The following ADCY7 variants were observed in gnomAD, a reference collection of about 807,000 sequenced individuals.
The protein encoded by ADCY7 is adenylate cyclase type 7.
In ADCY7, 72 loss-of-function variants were observed where a neutral mutation model predicts 120.6. The observed-to-expected ratio is 0.60, with a 90% CI of 0.49 to 0.73. ADCY7 has a LOEUF of 0.73. Among genes scored for constraint, ADCY7 ranks in the 30% least tolerant of loss-of-function variants. The probability of loss-of-function intolerance (pLI) is 0.00; values close to 1 mark genes in which losing one functional copy is unlikely to be tolerated. For synonymous variants in ADCY7, 661 were observed against 628.0 expected (o/e 1.05, Z -0.78); for missense variants, 1,227 against 1,486.0 (o/e 0.83, Z 2.87).
chr16:50,265,588 C>T (rs1346433291), upstream of ADCY7, among the ~76,000 whole-genome samples: 4 of 152,200 alleles, frequency 2.6e-5, no homozygotes, highest in African/African-American at 9.7e-5. Flanking sequence ...AAGGATATAA[C>T]CTAGGAAAGA....
intron 2 of ADCY7, among the ~76,000 whole-genome samples, chr16:50,290,126 C>T (rs1218737053): frequency 1.3e-5 from 2 of 152,252 alleles, no homozygotes; most frequent in African/African-American, 4.8e-5. Flanking sequence ...TGAATGAGTC[C>T]TGCCCTGTGC....
intron 18 of ADCY7, 80 bp from the exon 19 acceptor site, chr16:50,310,607 G>C: frequency 6.2e-7 from 1 of 1,602,042 alleles, no homozygotes; most frequent in Non-Finnish European, 8.5e-7. Context: ...CAGGGAGTGG[G>C]GCTCTGTGGT....
intron 18 of ADCY7, 76 bp downstream of exon 18, chr16:50,309,722 C>G: frequency 7.6e-7 from 1 of 1,314,590 alleles, no homozygotes; most frequent in South Asian, 1.3e-5. Flanking sequence ...TTTGGACCCT[C>G]AAAGCATGGG....
rs773865769 is a variant in ADCY7 at position 50,290,522 on chromosome 16, C to T, written c.237C>T (p.Leu79=). 6.2e-7 allele frequency: 1 copy of T among 1,614,248 alleles called. No individual in the cohort carries two copies. The highest frequency in any genetic ancestry group is 8.5e-7 in the Non-Finnish European group (1 of 1,180,052). ...TGGTGCTGGCGGTGTTTGCGGCCCTCTCTGTGCTGATGTACGTCGAGTGTC... is the reference window on the plus strand; with the variant it reads ...TGGTGCTGGCGGTGTTTGCGGCCCTTTCTGTGCTGATGTACGTCGAGTGTC... ...AFLVLAVFAA[L]SVLMYVECLL... The change falls in exon 3 of 26, where the codon CTC becomes CTT. Residue 79 remains leucine, a synonymous_variant. Coordinates refer to ENST00000673801, the MANE Select transcript of ADCY7 (RefSeq NM_001114.5).
intron 1 of ADCY7, among the ~76,000 whole-genome samples, chr16:50,278,144 A>G (rs954228662): frequency 1.3e-5 from 2 of 151,746 alleles, no homozygotes; most frequent in African/African-American, 4.8e-5. Context: ...AGTTCAAGCG[A>G]TTCTCGTGCC....
Position 50,314,361 on chromosome 16 carries a change from G to C in ADCY7, c.2926G>C (p.Asp976His). 1 of 1,614,144 alleles carries C rather than the reference G, an allele frequency of 6.2e-7. No individual in the cohort carries two copies. Among genetic ancestry groups the C allele is most frequent in the African/African-American group, 1.3e-5 (1 of 75,066 alleles). ...CAGCATCGCCCTGATGAGTAAGCTG[G>C]ACGGCATCAACAGGCACTCCTTCAA... is the stretch of plus-strand genomic sequence containing the variant. ...EFSIALMSKLDGINRHSFNSF... is the reference protein window; with the variant it reads ...EFSIALMSKLHGINRHSFNSF... The change falls in exon 24 of 26, where the codon GAC becomes CAC. Residue 976 changes from aspartate to histidine, a missense_variant. Physicochemically the swap from Asp to His is moderately conservative, Grantham distance 81. Coordinates refer to ENST00000673801, the MANE Select transcript of ADCY7 (RefSeq NM_001114.5).
chr16:50,298,894 C>T lies in ADCY7; in HGVS notation c.949-10C>T, dbSNP rs114153046. 1,895 of 1,611,872 alleles carry T rather than the reference C, an allele frequency of 1.2e-3. 24 individuals carry two copies. In the African/African-American group the frequency reaches 0.023, roughly 19 times the overall value. ...TCTTCCAGTGACCAGGCCCTTCCCTCACCCTGCAGGCCAACGAGTGCATGC... is the reference window on the plus strand; with the variant it reads ...TCTTCCAGTGACCAGGCCCTTCCCTTACCCTGCAGGCCAACGAGTGCATGC... On this transcript the variant is annotated splice_polypyrimidine_tract_variant and intron_variant, in intron 7 of 25. Coordinates refer to ENST00000673801, the MANE Select transcript of ADCY7 (RefSeq NM_001114.5).
In ADCY7 at chr16:50,304,483, G is replaced by T; in HGVS notation, c.1492G>T (p.Ala498Ser). ...LESWGAARPF[A>S]HLNHRESVSS... ...GTCCTGGGGGGCGGCACGGCCCTTT[G>T]CACATCTCAACCACCGTGAGAGCGT... Residue 498 changes from alanine (A) to serine (S), a missense_variant, in exon 11 of 26, where the codon GCA becomes TCA. By Grantham distance (99) the Ala-to-Ser change is moderately conservative (BLOSUM62 1). Around this residue, in one of 5 missense-constraint regions of ADCY7, gnomAD observed 332 missense variants for 455.8 expected, o/e 0.73. Transcript: ENST00000673801. 6.2e-7 allele frequency: 1 copy of T among 1,608,600 alleles called. No homozygotes were observed. The highest frequency in any genetic ancestry group is 1.1e-5 in the South Asian group (1 of 90,700).
intron 19 of ADCY7, among the ~76,000 whole-genome samples, 157 bp from the exon 20 acceptor site, chr16:50,311,536 C>G (rs1021707071): frequency 1.3e-5 from 2 of 152,146 alleles, no homozygotes; most frequent in Non-Finnish European, 2.9e-5. Flanking sequence ...CTCTCCCCTC[C>G]CCCCTTTATA....
rs373557711 is a variant in ADCY7, at chr16:50,311,807, C to T, written c.2448+21C>T. The T allele has an allele frequency of 8.6e-4, 1,151 of 1,332,890 alleles. 29 individuals carry two copies. In the African/African-American group the frequency reaches 0.011, roughly 13 times the overall value. 82.6% of individuals were successfully genotyped at this position (1,332,890 alleles called of 1,614,324 possible). ...GACAGGTAAGGAGGCTGGCCCCCCC[C>T]CCCCCCCCAAGCTCTGCCCACTTTT... On this transcript the variant is annotated intron_variant, in intron 20 of 25. Transcript: ENST00000673801.
chr16:50,266,875 AG>A (rs2033248678), intron 1 of ADCY7, among the ~76,000 whole-genome samples, 195 bp downstream of exon 1: 1 of 152,122 alleles, frequency 6.6e-6, no homozygotes, highest in South Asian at 2.1e-4. Flanking sequence ...GCCCTTCAAC[AG>A]GGGACCAGAG....
In ADCY7 at chr16:50,310,667, G is replaced by A. The variant is rs1352404509; in HGVS notation, c.2161-20G>A. Reference sequence around the variant, plus strand: ...ACGTGGTGGGGTGGCCCTGTCCTGAGTGACACCCTGCCCCCTCAGTACTAC... The same window carrying A: ...ACGTGGTGGGGTGGCCCTGTCCTGAATGACACCCTGCCCCCTCAGTACTAC... On this transcript the variant is annotated intron_variant, in intron 18 of 25. Coordinates refer to ENST00000673801, the MANE Select transcript of ADCY7 (RefSeq NM_001114.5). 8 of 1,612,112 alleles carry A rather than the reference G, an allele frequency of 5.0e-6. No individual in the cohort carries two copies. The highest frequency in any genetic ancestry group is 2.2e-5 in the East Asian group (1 of 44,844).
At position 50,292,689 on chromosome 16, in the gene ADCY7, C is replaced by A. The variant is rs891143355; in HGVS notation, c.551C>A (p.Ala184Glu). 6.2e-7 allele frequency: 1 copy of A among 1,613,764 alleles called. No individual in the cohort carries two copies. Among genetic ancestry groups the A allele is most frequent in the African/African-American group, 1.3e-5 (1 of 74,926 alleles). Residue 184 changes from alanine (A) to glutamate (E), a missense_variant, in exon 5 of 26, where the codon GCA becomes GAA. Physicochemically the swap from Ala to Glu is moderately radical, Grantham distance 107. Around this residue, in one of 5 missense-constraint regions of ADCY7, gnomAD observed 382 missense variants for 411.4 expected, o/e 0.93. Transcript: ENST00000673801. ...VRVGLQLLANAVIFLCGNLTG... is the reference protein window; with the variant it reads ...VRVGLQLLANEVIFLCGNLTG... The stretch of plus-strand genomic sequence containing the variant: ...GTCTACCCGCAGCTGCTGGCCAACG[C>A]AGTCATCTTCCTGTGTGGGAACCTG...
Position 50,305,525 on chromosome 16 carries a change from T to C in ADCY7, c.1618T>C (p.Ser540Pro). Residue 540 changes from serine to proline, a missense_variant, in exon 13 of 26, where the codon TCG becomes CCG. Around this residue, in one of 5 missense-constraint regions of ADCY7, gnomAD observed 332 missense variants for 455.8 expected, o/e 0.73. Transcript: ENST00000673801. Reference sequence around the variant, plus strand: ...CAGAAGCATGTCCCCCAAGGGGCGGTCGGAGGATGACTCGTACGATGACGA... The same window carrying C: ...CAGAAGCATGTCCCCCAAGGGGCGGCCGGAGGATGACTCGTACGATGACGA... ...PDRSMSPKGR[S>P]EDDSYDDEML... 1.2e-6 allele frequency: 2 copies of C among 1,611,772 alleles called. No homozygotes were observed. The highest frequency in any genetic ancestry group is 1.3e-5 in the African/African-American group (1 of 74,962).
chr16:50,279,498 T>C (rs965606862), intron 1 of ADCY7: 1 of 148,588 alleles, frequency 6.7e-6, no homozygotes, highest in Non-Finnish European at 1.5e-5. Flanking sequence ...GGGCTATTTC[T>C]CCAACAGGGG....
At chr16:50,286,861 C>T (rs1264102127) in intron 1 of ADCY7, among the ~76,000 whole-genome samples, 1 of 152,144 alleles carries the variant, frequency 6.6e-6, no homozygotes, top group African/African-American at 2.4e-5. Flanking sequence ...TCACACCATA[C>T]CCAGAGTGAA....
At chr16:50,274,615 G>A (rs796529243) in intron 1 of ADCY7, among the ~76,000 whole-genome samples, 3 of 152,188 alleles carry the variant, frequency 2.0e-5, no homozygotes, top group South Asian at 4.1e-4. Flanking sequence ...TTGGGGCTGG[G>A]CACTTTGCGA....
chr16:50,293,570 G>T, intron 6 of ADCY7, 68 bp downstream of exon 6: 1 of 1,557,604 alleles, frequency 6.4e-7, no homozygotes, highest in Admixed American at 1.9e-5. Context: ...GCCCCCAGGC[G>T]GCCTCCCCGC....
chr16:50,281,893 C>T (rs918139869), intron 1 of ADCY7, among the ~76,000 whole-genome samples: 3 of 152,206 alleles, frequency 2.0e-5, no homozygotes, highest in African/African-American at 7.2e-5. Context: ...ATGAGATTCC[C>T]TTGGCAAATG....
Sources: allele counts gnomAD v4.1 joint callset (sites outside exome capture counted in the v4.1 genomes callset), GRCh38; gene constraint gnomAD v4.1.1; regional missense constraint gnomAD v4.1.1; transcripts MANE v1.5; gene names NCBI Gene and HGNC (gene_info 2026-07-23, HGNC 2026-07-21).